The following TBC1D1 variants were observed in gnomAD, a reference collection of about 807,000 sequenced individuals.
TBC1D1 encodes TBC1 (tre-2/USP6, BUB2, cdc16) domain family, member 1.
A neutral mutation model predicts 125.6 loss-of-function variants in TBC1D1; 89 were observed. The observed-to-expected ratio is 0.71, with a 90% confidence interval of 0.60 to 0.85. TBC1D1 has a LOEUF of 0.85. Among genes scored for constraint, TBC1D1 ranks in the 40% least tolerant of loss-of-function variants. The pLI, the probability that TBC1D1 is intolerant of heterozygous loss-of-function variation, is 0.00. For synonymous variants in TBC1D1, 565 were observed against 564.1 expected (o/e 1.00, Z -0.02); for missense variants, 1,377 against 1,469.2 (o/e 0.94, Z 1.03).
intron 2 of TBC1D1, among the ~76,000 whole-genome samples, chr4:37,904,914 G>A (rs1038822480): frequency 5.9e-5 from 9 of 152,222 alleles, no homozygotes; most frequent in Non-Finnish European, 1.2e-4. Flanking sequence ...ATTATCTGCT[G>A]TAGGAGCATT....
intron 8 of TBC1D1, among the ~76,000 whole-genome samples, chr4:38,041,006 G>C (rs1748255503): frequency 6.6e-6 from 1 of 152,168 alleles, no homozygotes; most frequent in South Asian, 2.1e-4. Context: ...GTAAATGATA[G>C]TTCCCCTTCT....
intron 2 of TBC1D1, among the ~76,000 whole-genome samples, chr4:37,922,467 G>T (rs1721208242): frequency 6.6e-6 from 1 of 152,220 alleles, no homozygotes; most frequent in East Asian, 1.9e-4. Flanking sequence ...GAGGAACTCT[G>T]GGCCCATAGG....
chr4:37,923,388 A>G (rs1170481735), intron 2 of TBC1D1, among the ~76,000 whole-genome samples: 1 of 152,128 alleles, frequency 6.6e-6, no homozygotes, highest in Non-Finnish European at 1.5e-5. Context: ...AAGTCTTTCT[A>G]TTGTGAATAG....
intron 2 of TBC1D1, among the ~76,000 whole-genome samples, chr4:37,903,832 G>A (rs1716699169): frequency 6.6e-6 from 1 of 152,160 alleles, no homozygotes. Context: ...CATAATGGAA[G>A]GACTGAGAAG....
At chr4:37,989,678 G>A (rs1374328522) in intron 2 of TBC1D1, among the ~76,000 whole-genome samples, 2 of 152,182 alleles carry the variant, frequency 1.3e-5, no homozygotes, top group Non-Finnish European at 2.9e-5. Context: ...AGAGCAAACT[G>A]CTTTCTTTAG....
At chr4:38,135,073 C>T (rs932061774) in intron 19 of TBC1D1, among the ~76,000 whole-genome samples, 4 of 152,162 alleles carry the variant, frequency 2.6e-5, no homozygotes, top group African/African-American at 9.7e-5. Flanking sequence ...ATATGCCTCT[C>T]ATATGTAAGA....
intron 2 of TBC1D1, among the ~76,000 whole-genome samples, chr4:37,912,417 G>T (rs552510978): frequency 2.6e-5 from 4 of 152,336 alleles, no homozygotes; most frequent in African/African-American, 9.6e-5. Context: ...AGCTGGGCCT[G>T]CTGGGTTAGA....
Position 37,953,718 on chromosome 4 carries a change from AAACATGAGCCACG to A in TBC1D1, c.417+51207_417+51219del, listed in dbSNP as rs200256491. 1.6e-4 allele frequency among the ~76,000 whole-genome samples: 25 copies of A among 152,356 alleles called. No individual in the cohort carries two copies. The East Asian group carries it at 4.8e-3, about 29-fold the overall frequency. On this transcript the variant is annotated intron_variant, in intron 2 of 19. Transcript: ENST00000261439. ...CTTAGAGCTCCTTCAAGGGAGGGAT[AAACATGAGCCACG>A]CCTGGGAGACAGTTTGTATATTTTG...
rs774392051 is a variant in TBC1D1, at chr4:38,044,352, A to G, written c.1414-10A>G. The G allele has an allele frequency of 2.5e-6, 4 of 1,588,740 alleles. No individual in the cohort carries two copies. The East Asian group carries it at 6.7e-5, about 27-fold the overall frequency. On this transcript the variant is annotated splice_polypyrimidine_tract_variant and intron_variant, in intron 8 of 19. Coordinates refer to ENST00000261439, the MANE Select transcript of TBC1D1 (RefSeq NM_015173.4). ...AGCGATAAATGACTTTTCGTTTTTCACTTTTTTAGACATCGCAGATGGCAG... is the reference window on the plus strand; with the variant it reads ...AGCGATAAATGACTTTTCGTTTTTCGCTTTTTTAGACATCGCAGATGGCAG...
chr4:38,066,569 G>A lies in TBC1D1; in HGVS notation c.2050+12231G>A, dbSNP rs1322263487. Among the ~76,000 whole-genome samples the A allele has an allele frequency of 4.6e-5, 7 of 152,128 alleles. No homozygotes were observed. The South Asian group carries it at 8.3e-4, about 18-fold the overall frequency. Reference sequence around the variant, plus strand: ...GCTGGTCTTGAACTCTTGAATTAAAGCAATCCTCTTGCTTCAGACTCCCAA... The same window carrying A: ...GCTGGTCTTGAACTCTTGAATTAAAACAATCCTCTTGCTTCAGACTCCCAA... On this transcript the variant is annotated intron_variant, in intron 12 of 19. Transcript: ENST00000261439.
intron 2 of TBC1D1, among the ~76,000 whole-genome samples, chr4:37,924,300 T>C (rs1157764512): frequency 1.3e-5 from 2 of 152,244 alleles, no homozygotes; most frequent in African/African-American, 4.8e-5. Flanking sequence ...TTTGTTTGTA[T>C]GAACTGATTT....
intron 13 of TBC1D1, among the ~76,000 whole-genome samples, 172 bp downstream of exon 15, chr4:38,090,289 G>A (rs916075958): frequency 1.3e-5 from 2 of 152,096 alleles, no homozygotes; most frequent in African/African-American, 4.8e-5. Flanking sequence ...TTTACTTTCT[G>A]GTGATCTAAT....
At chr4:38,131,137 A>G (rs1431663414) in intron 18 of TBC1D1, among the ~76,000 whole-genome samples, 2 of 152,210 alleles carry the variant, frequency 1.3e-5, no homozygotes, top group African/African-American at 4.8e-5. Flanking sequence ...ATTGTGACCC[A>G]GGGTGGTTCC....
chr4:38,097,285 C>A (rs987026893), intron 14 of TBC1D1, among the ~76,000 whole-genome samples: 18 of 151,956 alleles, frequency 1.2e-4, no homozygotes, highest in African/African-American at 4.3e-4. Context: ...GCCTCAGCCT[C>A]CTGACTAGCT....
chr4:37,935,394 A>G (rs1366211109), intron 2 of TBC1D1, among the ~76,000 whole-genome samples: 1 of 152,122 alleles, frequency 6.6e-6, no homozygotes, highest in African/African-American at 2.4e-5. Context: ...TTTTTGATTA[A>G]TGGCTCACTG....
At chr4:37,914,894 C>A (rs1273681123) in intron 2 of TBC1D1, among the ~76,000 whole-genome samples, 1 of 152,208 alleles carries the variant, frequency 6.6e-6, no homozygotes, top group Non-Finnish European at 1.5e-5. Flanking sequence ...CTCTGGCCAC[C>A]CACTCAAAAG....
intron 2 of TBC1D1, among the ~76,000 whole-genome samples, chr4:37,921,690 C>T (rs1339758394): frequency 6.6e-6 from 1 of 151,834 alleles, no homozygotes; most frequent in Non-Finnish European, 1.5e-5. Context: ...AGATTACAGG[C>T]GTGAGCCACT....
chr4:38,084,443 A>G (rs1757129363), intron 12 of TBC1D1, among the ~76,000 whole-genome samples: 1 of 152,260 alleles, frequency 6.6e-6, no homozygotes, highest in Non-Finnish European at 1.5e-5. Context: ...GGGATATGGC[A>G]GGGAACACAG....
chr4:37,902,419 T>G lies in TBC1D1; in HGVS notation c.324T>G (p.Ser108Arg). The G allele has an allele frequency of 6.2e-7, 1 of 1,614,096 alleles. No homozygotes were observed. Among genetic ancestry groups the G allele is most frequent in the Non-Finnish European group, 8.5e-7 (1 of 1,180,012 alleles). The stretch of plus-strand genomic sequence containing the variant: ...GTGTTCACAAACTGATTCACAACAG[T>G]CATGACCCAAGTTACTTTGCTTGTC... The change falls in exon 2 of 20, where the codon AGT (serine) becomes AGG (arginine). Residue 108 changes from serine to arginine, a missense_variant. Around this residue, in one of 3 missense-constraint regions of TBC1D1, gnomAD observed 822 missense variants for 824.6 expected, o/e 1.00. Transcript: ENST00000261439.
Sources: allele counts gnomAD v4.1 joint callset (sites outside exome capture counted in the v4.1 genomes callset), GRCh38; gene constraint gnomAD v4.1.1; regional missense constraint gnomAD v4.1.1; transcripts MANE v1.5; gene names NCBI Gene and HGNC (gene_info 2026-07-23, HGNC 2026-07-21).